The following ZNF69 variants were observed in gnomAD, a reference collection of about 807,000 sequenced individuals.
ZNF69 encodes the protein ZNF3.
Under a neutral mutation model 50.9 loss-of-function variants are expected in ZNF69, and 47 were observed. The observed-to-expected ratio is 0.92, with a 90% confidence interval of 0.73 to 1.18. The LOEUF (loss-of-function observed/expected upper bound fraction) is 1.18. Ranked by LOEUF, ZNF69 falls within the 50% of genes most tolerant of loss-of-function variation. The probability of loss-of-function intolerance (pLI) is 0.00; values close to 1 mark genes in which losing one functional copy is unlikely to be tolerated. For missense variants in ZNF69, 717 were observed against 675.1 expected, an observed-to-expected ratio of 1.06 and a Z score of -0.69; for synonymous variants, 216 against 223.1, an observed-to-expected ratio of 0.97 and a Z score of 0.29.
the ZNF69 span, chr19:11,978,430 A>G: frequency 1.2e-6 from 2 of 1,614,214 alleles, no homozygotes; most frequent in Non-Finnish European, 1.7e-6. Flanking sequence ...CACACCGGAG[A>G]GAAACCCTAT....
chr19:11,904,982 A>C lies in ZNF69; in HGVS notation c.585A>C (p.Lys195Asn). The C allele has an allele frequency of 1.2e-6, 2 of 1,613,994 alleles. No individual in the cohort carries two copies. Among genetic ancestry groups the C allele is most frequent in the Non-Finnish European group, 1.7e-6 (2 of 1,179,942 alleles). Residue 195 changes from lysine to asparagine, a missense_variant, in exon 4 of 4, where the codon AAA (lysine) becomes AAC (asparagine). Transcript: ENST00000429654. The part of the protein sequence containing the change: ...DHTGEKPYAC[K>N]ECGKTFISHS... ...CTGGAGAGAAACCCTATGCTTGTAA[A>C]GAATGTGGAAAAACTTTTATTTCCC...
At chr19:11,973,364 T>C in the ZNF69 span, among the ~76,000 whole-genome samples, 1 of 152,224 alleles carries the variant, frequency 6.6e-6, no homozygotes, top group Non-Finnish European at 1.5e-5. Context: ...ATACCTTTGT[T>C]GCTTGACGAC....
At chr19:11,956,738 C>T in the ZNF69 span, 1 of 385,754 alleles carries the variant, frequency 2.6e-6, no homozygotes, top group Admixed American at 4.5e-5. Flanking sequence ...AGCCTGTAAT[C>T]TCAGCCATTC....
At chr19:11,977,373 A>T in the ZNF69 span, 23 of 1,613,412 alleles carry the variant, frequency 1.4e-5, no homozygotes, top group African/African-American at 4.0e-5. Context: ...TATTTTAGGG[A>T]AAAAGTGGAA....
the ZNF69 span, among the ~76,000 whole-genome samples, chr19:11,975,439 C>A: frequency 1.3e-5 from 2 of 150,040 alleles, no homozygotes; most frequent in Non-Finnish European, 3.0e-5. Context: ...GCTCTGTCGC[C>A]CAGGCTGGAC....
At chr19:11,891,801 A>T (rs1977095515) in intron 1 of ZNF69, among the ~76,000 whole-genome samples, 1 of 152,106 alleles carries the variant, frequency 6.6e-6, no homozygotes, top group South Asian at 2.1e-4. Flanking sequence ...CTTTATGATC[A>T]TGGGTTGTGA....
chr19:11,974,071 T>G, the ZNF69 span, among the ~76,000 whole-genome samples: 1 of 61,146 alleles, frequency 1.6e-5, no homozygotes, highest in African/African-American at 5.9e-5. Flanking sequence ...CTTCTTTCTT[T>G]TCTTTCTTTC....
At chr19:11,940,714 T>C in the ZNF69 span, among the ~76,000 whole-genome samples, 1 of 152,212 alleles carries the variant, frequency 6.6e-6, no homozygotes, top group African/African-American at 2.4e-5. Flanking sequence ...CCTGCTTTTA[T>C]TCTCTTATCT....
At chr19:11,979,732 A>G in the ZNF69 span, 1 of 1,598,618 alleles carries the variant, frequency 6.3e-7, no homozygotes, top group Non-Finnish European at 8.6e-7. Flanking sequence ...AATGTGGGAA[A>G]GCCTTCAGAT....
the ZNF69 span, among the ~76,000 whole-genome samples, chr19:11,957,516 T>C: frequency 6.6e-6 from 1 of 151,636 alleles, no homozygotes; most frequent in South Asian, 2.1e-4. Flanking sequence ...ATACATAAAG[T>C]GGGGTTGCAT....
the ZNF69 span, among the ~76,000 whole-genome samples, chr19:11,923,705 T>C: frequency 2.0e-5 from 3 of 152,212 alleles, no homozygotes; most frequent in Non-Finnish European, 4.4e-5. Context: ...ACTTTATACA[T>C]AAGCATAGGA....
the ZNF69 span, chr19:11,949,838 C>G: frequency 6.2e-7 from 1 of 1,609,048 alleles, no homozygotes; most frequent in Non-Finnish European, 8.5e-7. Context: ...AGTTGTGCCT[C>G]AAACCTTCGA....
chr19:11,901,949 T>C (rs1451469814), intron 1 of ZNF69, among the ~76,000 whole-genome samples: 1 of 151,962 alleles, frequency 6.6e-6, no homozygotes, highest in Non-Finnish European at 1.5e-5. Flanking sequence ...GTTTCATGCA[T>C]GTTGTAGTAT....
the ZNF69 span, chr19:11,978,321 G>A: frequency 6.2e-7 from 1 of 1,614,112 alleles, no homozygotes. Flanking sequence ...TGGGCACAAG[G>A]CATACGAGTA....
At chr19:11,963,549 C>A in the ZNF69 span, among the ~76,000 whole-genome samples, 3 of 152,252 alleles carry the variant, frequency 2.0e-5, no homozygotes, top group African/African-American at 7.2e-5. Context: ...CGGTGACTCT[C>A]TTCCCCCTCC....
At position 11,906,523 on chromosome 19, in the gene ZNF69, T is replaced by G. The variant is rs1334013163; in HGVS notation, c.*425T>G. Reference sequence around the variant, plus strand: ...ACAACATTTGCCGTTCTGCAATATTTGCTGTTCTGCAGCCCCTGCTGGTGA... The same window carrying G: ...ACAACATTTGCCGTTCTGCAATATTGGCTGTTCTGCAGCCCCTGCTGGTGA... On this transcript the variant is annotated 3_prime_UTR_variant, in exon 4 of 4. Coordinates refer to ENST00000429654, the MANE Select transcript of ZNF69 (RefSeq NM_001364730.1). 6.6e-6 allele frequency among the ~76,000 whole-genome samples: 1 copy of G among 152,200 alleles called. No individual in the cohort carries two copies. Among genetic ancestry groups the G allele is most frequent in the Non-Finnish European group, 1.5e-5 (1 of 68,038 alleles).
At chr19:11,916,948 T>G (rs879757507), downstream of ZNF69, among the ~76,000 whole-genome samples, 5 of 152,216 alleles carry the variant, frequency 3.3e-5, no homozygotes, top group Non-Finnish European at 5.9e-5. Context: ...ATCCATGTCT[T>G]TGATTTGACT....
chr19:11,914,712 G>A (rs562288810), downstream of ZNF69, among the ~76,000 whole-genome samples: 1 of 152,160 alleles, frequency 6.6e-6, no homozygotes, highest in Non-Finnish European at 1.5e-5. Flanking sequence ...TACCAATGAA[G>A]CTGCTCTTCA....
chr19:11,969,955 C>A, the ZNF69 span, among the ~76,000 whole-genome samples: 2 of 152,172 alleles, frequency 1.3e-5, no homozygotes, highest in African/African-American at 4.8e-5. Flanking sequence ...TTGCCTGGGG[C>A]TGGCTCAAGA....
Sources: gnomAD v4.1 joint callset for allele counts (sites outside exome capture counted in the v4.1 genomes callset) on GRCh38, gnomAD v4.1.1 for gene constraint, MANE v1.5 for transcripts, NCBI Gene and HGNC (gene_info 2026-07-23, HGNC 2026-07-21) for gene names.